SH3TC2: variants seen among roughly 807,000 people sequenced by gnomAD.
The protein encoded by SH3TC2 is SH3 domain and tetratricopeptide repeat-containing protein 2.
In SH3TC2, 87 loss-of-function variants were observed where a neutral mutation model predicts 124.5. The observed-to-expected ratio is 0.70, with a 90% confidence interval of 0.59 to 0.84. The LOEUF is 0.84. Ranked by LOEUF, SH3TC2 falls within the 40% of genes least tolerant of loss-of-function variation. SH3TC2 has a pLI of 0.00. For missense variants in SH3TC2, 1,536 were observed against 1,566.4 expected (o/e 0.98, Z 0.33); for synonymous variants, 634 against 628.5 (o/e 1.01, Z -0.13).
chr5:149,046,598 T>C (rs1471969974), intron 3 of SH3TC2: 1 of 152,178 alleles, frequency 6.6e-6, no homozygotes, highest in Non-Finnish European at 1.5e-5. Flanking sequence ...AAGTAAATTG[T>C]CCAAGGTCAC....
chr5:149,026,789 A>C (rs749938449), intron 11 of SH3TC2, 37 bp from the exon 12 acceptor site: 1 of 1,614,156 alleles, frequency 6.2e-7, no homozygotes, highest in Non-Finnish European at 8.5e-7. Flanking sequence ...AGATGACTTG[A>C]GATAGGAAAT....
rs2127397794 is a variant in SH3TC2, at chr5:149,028,706, G to A, written c.1148C>T (p.Ser383Phe). 1 of 1,614,194 alleles carries A rather than the reference G, an allele frequency of 6.2e-7. No individual in the cohort carries two copies. Among genetic ancestry groups the A allele is most frequent in the South Asian group, 1.1e-5 (1 of 91,074 alleles). Reference protein sequence around the residue: ...TSVYRLSGFESIQNPPNDLSA... With the variant: ...TSVYRLSGFEFIQNPPNDLSA... ...CAGATCATTTGGAGGATTCTGGATG[G>A]ATTCAAACCCACCTAAGTAGAGATG... The change falls in exon 10 of 17, where the codon TCC becomes TTC. Residue 383 changes from serine (S) to phenylalanine (F), a missense_variant. Ser to Phe is a radical substitution (Grantham distance 155). Around this residue, in one of 3 missense-constraint regions of SH3TC2, gnomAD observed 1,102 missense variants for 1,098.6 expected, o/e 1.00. Coordinates refer to ENST00000515425, the MANE Select transcript of SH3TC2 (RefSeq NM_024577.4).
At chr5:149,034,150 G>T (rs571792882) in intron 8 of SH3TC2, among the ~76,000 whole-genome samples, 5 of 152,140 alleles carry the variant, frequency 3.3e-5, no homozygotes, top group African/African-American at 1.2e-4. Flanking sequence ...ACTGTGAGAA[G>T]AAACAGCCAT....
chr5:149,002,487 A>G lies in SH3TC2; in HGVS notation c.*2224T>C, dbSNP rs1753614014. On this transcript the variant is annotated 3_prime_UTR_variant, in exon 17 of 17. Transcript: ENST00000515425. ...CTGGAGAATACTCTCTAGAGTAGACAGCCTTTTGACAACCAACCACATCTC... is the reference window on the plus strand; with the variant it reads ...CTGGAGAATACTCTCTAGAGTAGACGGCCTTTTGACAACCAACCACATCTC... The G allele has an allele frequency of 6.6e-6, 1 of 152,498 alleles. No homozygotes were observed. The highest frequency in any genetic ancestry group is 2.4e-5 in the African/African-American group (1 of 41,466). 9.4% of individuals were successfully genotyped at this position (152,498 alleles called of 1,614,324 possible).
intron 12 of SH3TC2, chr5:149,025,977 T>G (rs371393440): frequency 3.4e-4 from 53 of 153,788 alleles, no homozygotes; most frequent in African/African-American, 1.2e-3. Context: ...CTAAATATTC[T>G]TAACTAAAAG....
chr5:149,045,994 G>A (rs899950827), intron 3 of SH3TC2: 1 of 421,280 alleles, frequency 2.4e-6, no homozygotes, highest in Non-Finnish European at 4.7e-6. Context: ...TCACTGCCCA[G>A]ACTTAGTTTT....
At chr5:149,020,113 AACAC>A (rs56088659) in intron 12 of SH3TC2, among the ~76,000 whole-genome samples, 66 of 146,802 alleles carry the variant, frequency 4.5e-4, no homozygotes, top group East Asian at 2.0e-3. Flanking sequence ...GAAAAGGTCA[AACAC>A]ACACACACAC....
rs561924426 is a variant in SH3TC2, at chr5:149,050,827, C to T, written c.151+1315G>A. On this transcript the variant is annotated intron_variant, in intron 2 of 16. Transcript: ENST00000515425. Reference sequence around the variant, plus strand: ...TCCTTTAAATATTTATAATCTTTTTCACAAGTCTATATTTTGTATTACAGG... The same window carrying T: ...TCCTTTAAATATTTATAATCTTTTTTACAAGTCTATATTTTGTATTACAGG... Among the ~76,000 whole-genome samples, 129 of 152,274 alleles carry T rather than the reference C, an allele frequency of 8.5e-4. 2 individuals carry two copies. The highest frequency in any genetic ancestry group is 1.6e-3 in the Non-Finnish European group (107 of 68,018).
Position 148,993,847 on chromosome 5 carries a change from C to T in SH3TC2, c.*10864G>A, listed in dbSNP as rs189701174. ...ACAAAGAAGTGTTCATTAACTTCTTCGCCCAAACAAGTACTCTTCTGAAAT... is the reference window on the plus strand; with the variant it reads ...ACAAAGAAGTGTTCATTAACTTCTTTGCCCAAACAAGTACTCTTCTGAAAT... On this transcript the variant is annotated 3_prime_UTR_variant, in exon 17 of 17. Coordinates refer to ENST00000515425, the MANE Select transcript of SH3TC2 (RefSeq NM_024577.4). Among the ~76,000 whole-genome samples, 1,265 of 152,322 alleles carry T rather than the reference C, an allele frequency of 8.3e-3. 10 individuals are homozygous for T. The highest frequency in any genetic ancestry group is 0.014 in the Non-Finnish European group (946 of 68,028).
At chr5:149,020,443 C>T (rs1238036935) in intron 12 of SH3TC2, among the ~76,000 whole-genome samples, 4 of 152,044 alleles carry the variant, frequency 2.6e-5, no homozygotes, top group Admixed American at 6.6e-5. Flanking sequence ...GCTATTAATA[C>T]AGAGAAAAAA....
chr5:149,004,987 G>GTTTT lies in SH3TC2; in HGVS notation c.3676-89_3676-86dup, dbSNP rs201226305. ...CTAGGAGGCTGTGCTGGCCACTCTAGTTTTTTTTGTTTGTTTGTTTGTTTG... is the reference window on the plus strand; with the variant it reads ...CTAGGAGGCTGTGCTGGCCACTCTAGTTTTTTTTTTTTGTTTGTTTGTTTGTTTG... On this transcript the variant is annotated intron_variant, in intron 16 of 16. Transcript: ENST00000515425. 4,096 of 1,358,536 alleles carry GTTTT rather than the reference G, an allele frequency of 3.0e-3. 5 individuals carry two copies. Among genetic ancestry groups the GTTTT allele is most frequent in the Middle Eastern group, 4.3e-3 (18 of 4,158 alleles). The allele number at this position is 1,358,536 out of a possible 1,614,324, so 84.2% of individuals were successfully genotyped here. A position where few individuals can be genotyped will look rare whatever the true frequency, so the allele number is the denominator to read the frequency against.
rs56088659 is a variant in SH3TC2, at chr5:149,020,113, AACACACAC to A, written c.3053+6451_3053+6458del. Among the ~76,000 whole-genome samples, 321 of 146,912 alleles carry A rather than the reference AACACACAC, an allele frequency of 2.2e-3. 1 individual carries two copies. Among genetic ancestry groups the A allele is most frequent in the Non-Finnish European group, 3.7e-3 (250 of 67,078 alleles). ...ATGTGGAGCAAACAAGAAAAGGTCA[AACACACAC>A]ACACACACACACACACACACACTAG... On this transcript the variant is annotated intron_variant, in intron 12 of 16. Transcript: ENST00000515425.
chr5:148,997,161 C>G lies in SH3TC2; in HGVS notation c.*7550G>C, dbSNP rs1015558538. 6.6e-6 allele frequency among the ~76,000 whole-genome samples: 1 copy of G among 152,154 alleles called. No homozygotes were observed. Among genetic ancestry groups the G allele is most frequent in the Non-Finnish European group, 1.5e-5 (1 of 68,024 alleles). On this transcript the variant is annotated 3_prime_UTR_variant, in exon 17 of 17. Coordinates refer to ENST00000515425, the MANE Select transcript of SH3TC2 (RefSeq NM_024577.4). ...CTATTCTCTCATGTTCATGATCTTCCTTCTGCTACCACCATTGGAGCTACG... is the reference window on the plus strand; with the variant it reads ...CTATTCTCTCATGTTCATGATCTTCGTTCTGCTACCACCATTGGAGCTACG...
rs555575109 is a variant in SH3TC2 at position 148,995,768 on chromosome 5, A to G, written c.*8943T>C. Among the ~76,000 whole-genome samples, 3 of 152,232 alleles carry G rather than the reference A, an allele frequency of 2.0e-5. No homozygotes were observed. Among genetic ancestry groups the G allele is most frequent in the South Asian group, 4.2e-4 (2 of 4,814 alleles). On this transcript the variant is annotated 3_prime_UTR_variant, in exon 17 of 17. Coordinates refer to ENST00000515425, the MANE Select transcript of SH3TC2 (RefSeq NM_024577.4). ...GGCTCCAGAAATACAGAGCTGAGTG[A>G]CCCAAATAAGATTCCTGTTTTCATG...
intron 14 of SH3TC2, 87 bp from the exon 15 acceptor site, chr5:149,009,088 G>A (rs1293868668): frequency 6.4e-7 from 1 of 1,568,024 alleles, no homozygotes; most frequent in Non-Finnish European, 8.8e-7. Context: ...TACAGGCAGG[G>A]GTTGGGGAAC....
At chr5:149,005,015 T>C in intron 16 of SH3TC2, 113 bp from the exon 17 acceptor site, 1 of 1,294,466 alleles carries the variant, frequency 7.7e-7, no homozygotes, top group Non-Finnish European at 1.1e-6. Context: ...TTTGTTTGTT[T>C]GTTTGCCCAA....
At position 149,020,143 on chromosome 5, in the gene SH3TC2, CT is replaced by C. The variant is rs1753945215; in HGVS notation, c.3053+6428del. On this transcript the variant is annotated intron_variant, in intron 12 of 16. Coordinates refer to ENST00000515425, the MANE Select transcript of SH3TC2 (RefSeq NM_024577.4). ...ACACACACACACACACACACACACA[CT>C]AGGAAAAGTTGGGAAATGAGATGTC... 4.0e-5 allele frequency among the ~76,000 whole-genome samples: 6 copies of C among 149,334 alleles called. No homozygotes were observed. The South Asian group carries it at 1.1e-3, about 27-fold the overall frequency.
rs757414012 is a variant in SH3TC2 at position 149,031,540 on chromosome 5, G to A, written c.1135+14C>T. The A allele has an allele frequency of 1.2e-6, 2 of 1,614,120 alleles. No individual in the cohort carries two copies. The highest frequency in any genetic ancestry group is 1.1e-5 in the South Asian group (1 of 91,072). ...ACCCCAGGCTTTTGAAGGTGTCTGA[G>A]GACCAACACTCACTGAGCCGGTAGA... is the stretch of plus-strand genomic sequence containing the variant. On this transcript the variant is annotated intron_variant, in intron 9 of 16. Transcript: ENST00000515425.
chr5:149,036,239 A>T (rs1189967258), intron 8 of SH3TC2, among the ~76,000 whole-genome samples: 1 of 152,122 alleles, frequency 6.6e-6, no homozygotes, highest in Non-Finnish European at 1.5e-5. Flanking sequence ...CCTTTTGGGG[A>T]CCCTGACTCC....
Sources: allele counts gnomAD v4.1 joint callset (sites outside exome capture counted in the v4.1 genomes callset), GRCh38; gene constraint gnomAD v4.1.1; regional missense constraint gnomAD v4.1.1; transcripts MANE v1.5; gene names NCBI Gene and HGNC (gene_info 2026-07-23, HGNC 2026-07-21).